Variants in ATF6 observed in about 807,000 individuals in gnomAD.
ATF6 encodes the protein activating transcription factor 6, also known as cyclic AMP-dependent transcription factor ATF-6 alpha.
A neutral mutation model predicts 83.6 loss-of-function variants in ATF6; 53 were observed. The ratio of observed to expected loss-of-function variants is 0.63; its 90% CI spans 0.51 to 0.80. The LOEUF is 0.80. ATF6 is among the 30% of genes least tolerant of loss of function. The pLI is 0.00. For synonymous variants in ATF6, 288 were observed against 285.8 expected (o/e 1.01, Z -0.08); for missense variants, 744 against 797.9 (o/e 0.93, Z 0.81).
intron 9 of ATF6, among the ~76,000 whole-genome samples, chr1:161,827,232 G>C (rs965785394): frequency 9.9e-5 from 15 of 151,984 alleles, no homozygotes; most frequent in Admixed American, 9.2e-4. Context: ...CGCCTGGCCT[G>C]TTTTCAGTCT....
chr1:161,931,404 CTA>C (rs1688430158), intron 15 of ATF6, among the ~76,000 whole-genome samples: 1 of 152,178 alleles, frequency 6.6e-6, no homozygotes. Context: ...TTGCCTTCCA[CTA>C]TCTTTTTCAG....
intron 15 of ATF6, among the ~76,000 whole-genome samples, chr1:161,950,084 A>AT (rs1174741826): frequency 6.6e-6 from 1 of 152,152 alleles, no homozygotes; most frequent in East Asian, 1.9e-4. Context: ...CTTTGAATAC[A>AT]TTTTTCCCCT....
intron 14 of ATF6, among the ~76,000 whole-genome samples, chr1:161,876,238 C>T (rs1687214722): frequency 6.6e-6 from 1 of 151,884 alleles, no homozygotes; most frequent in Non-Finnish European, 1.5e-5. Context: ...ATAGATTCTT[C>T]CATTTGTAAA....
At chr1:161,915,823 A>G (rs141091268) in intron 15 of ATF6, among the ~76,000 whole-genome samples, 1 of 151,482 alleles carries the variant, frequency 6.6e-6, no homozygotes, top group African/African-American at 2.4e-5. Context: ...GAGTCTCCCT[A>G]TGTTGCCCAG....
In ATF6 at chr1:161,781,904, A is replaced by G. The variant is rs753596270; in HGVS notation, c.160-8A>G. 4.0e-5 allele frequency: 63 copies of G among 1,579,148 alleles called. No homozygotes were observed. The highest frequency in any genetic ancestry group is 5.3e-5 in the Admixed American group (3 of 56,990). On this transcript the variant is annotated splice_polypyrimidine_tract_variant and splice_region_variant and intron_variant, in intron 2 of 15. Coordinates refer to ENST00000367942, the MANE Select transcript of ATF6 (RefSeq NM_007348.4). ...TTTAATATTCTTTTGCTGATTTGAA[A>G]CCTACAGGAAAACAATTTTGATAAT... is the stretch of plus-strand genomic sequence containing the variant.
At chr1:161,858,650 A>G (rs1686816017) in intron 12 of ATF6, among the ~76,000 whole-genome samples, 1 of 152,194 alleles carries the variant, frequency 6.6e-6, no homozygotes, top group Non-Finnish European at 1.5e-5. Context: ...ACTTGAGAAA[A>G]AGATCTACAG....
intron 7 of ATF6, among the ~76,000 whole-genome samples, chr1:161,807,422 T>C (rs745371083): frequency 5.9e-5 from 9 of 152,170 alleles, no homozygotes; most frequent in Non-Finnish European, 1.2e-4. Flanking sequence ...AAATAATGAA[T>C]AGGCACTTCT....
intron 14 of ATF6, among the ~76,000 whole-genome samples, chr1:161,906,967 T>A (rs1021819000): frequency 3.9e-5 from 6 of 152,236 alleles, no homozygotes; most frequent in African/African-American, 1.4e-4. Context: ...TACATTCTAC[T>A]TAATTTTACC....
At chr1:161,910,843 T>G (rs893975547) in intron 14 of ATF6, among the ~76,000 whole-genome samples, 4 of 152,134 alleles carry the variant, frequency 2.6e-5, no homozygotes, top group African/African-American at 9.7e-5. Flanking sequence ...AACAAAAAAT[T>G]CCCTTGCTGC....
chr1:161,917,212 G>T (rs1040220398), intron 15 of ATF6, among the ~76,000 whole-genome samples: 3 of 152,186 alleles, frequency 2.0e-5, no homozygotes, highest in Non-Finnish European at 2.9e-5. Flanking sequence ...GGATCATGTG[G>T]TGTGAATCCA....
At chr1:161,775,896 G>GTA (rs35391250) in intron 1 of ATF6, among the ~76,000 whole-genome samples, 44,086 of 149,764 alleles carry the variant, frequency 0.29, 7,684 homozygotes, top group South Asian at 0.43. Flanking sequence ...ATACATGTGT[G>GTA]TATATATATA....
At chr1:161,799,146 A>G (rs10917968) in intron 6 of ATF6, among the ~76,000 whole-genome samples, 40,233 of 152,138 alleles carry the variant, frequency 0.26, 8,961 homozygotes, top group African/African-American at 0.61. Context: ...TCATCACAGA[A>G]CTATTCACAA....
At chr1:161,867,729 G>A (rs1401247834) in intron 14 of ATF6, among the ~76,000 whole-genome samples, 2 of 152,124 alleles carry the variant, frequency 1.3e-5, no homozygotes, top group Non-Finnish European at 2.9e-5. Context: ...TCTGTTTTCA[G>A]TACCTGTCTC....
chr1:161,823,898 G>A (rs1685821281), intron 9 of ATF6, among the ~76,000 whole-genome samples: 1 of 152,132 alleles, frequency 6.6e-6, no homozygotes, highest in South Asian at 2.1e-4. Flanking sequence ...CTTTTGATAG[G>A]CAGCTAGGGT....
intron 9 of ATF6, chr1:161,840,376 T>G (rs190657589): frequency 2.0e-5 from 3 of 152,312 alleles, no homozygotes; most frequent in Non-Finnish European, 2.9e-5. Flanking sequence ...TTCAGCTTTT[T>G]GTGTGTGGCT....
intron 7 of ATF6, among the ~76,000 whole-genome samples, chr1:161,807,502 C>T (rs1350318628): frequency 3.9e-5 from 6 of 152,126 alleles, no homozygotes; most frequent in Non-Finnish European, 7.4e-5. Flanking sequence ...AGGAATCTAT[C>T]AGAACAAATC....
intron 2 of ATF6, 81 bp from the exon 3 acceptor site, chr1:161,781,831 C>A: frequency 1.1e-6 from 1 of 915,304 alleles, no homozygotes; most frequent in Non-Finnish European, 1.7e-6. Context: ...ATTATTTGTG[C>A]CAAATTGTGT....
chr1:161,828,830 A>G (rs556786264), intron 9 of ATF6, among the ~76,000 whole-genome samples: 131 of 152,284 alleles, frequency 8.6e-4, no homozygotes, highest in Middle Eastern at 3.4e-3. Flanking sequence ...TTGAATGCAA[A>G]TTCTTCTCAG....
intron 15 of ATF6, among the ~76,000 whole-genome samples, chr1:161,916,382 A>T (rs1688101929): frequency 6.6e-6 from 1 of 152,186 alleles, no homozygotes; most frequent in Non-Finnish European, 1.5e-5. Context: ...TTTGTTTTAT[A>T]TCTATCTATG....
Sources: allele counts gnomAD v4.1 joint callset (sites outside exome capture counted in the v4.1 genomes callset), GRCh38; gene constraint gnomAD v4.1.1; transcripts MANE v1.5; gene names NCBI Gene and HGNC (gene_info 2026-07-23, HGNC 2026-07-21).